The following INPP5A variants were observed in gnomAD, a reference collection of about 807,000 sequenced individuals.
INPP5A encodes the protein inositol polyphosphate-5-phosphatase A.
INPP5A carries 14 observed loss-of-function variants against 65.2 expected under a neutral mutation model. The ratio of observed to expected loss-of-function variants is 0.21; its 90% confidence interval spans 0.14 to 0.34. INPP5A has a LOEUF of 0.34. Among genes scored for constraint, INPP5A ranks in the 10% least tolerant of loss-of-function variants. INPP5A has a pLI of 1.00. For synonymous variants in INPP5A, 207 were observed against 208.3 expected, an observed-to-expected ratio of 0.99 and a Z score of 0.05; for missense variants, 431 against 545.6, an observed-to-expected ratio of 0.79 and a Z score of 2.09.
intron 1 of INPP5A, among the ~76,000 whole-genome samples, chr10:132,592,535 C>T (rs2071631552): frequency 6.6e-6 from 1 of 152,150 alleles, no homozygotes; most frequent in African/African-American, 2.4e-5. Flanking sequence ...CCTGCCTCAG[C>T]CTCCCAAGTA....
At chr10:132,668,368 G>A (rs952032706) in intron 4 of INPP5A, among the ~76,000 whole-genome samples, 9 of 152,178 alleles carry the variant, frequency 5.9e-5, no homozygotes, top group African/African-American at 1.7e-4. Context: ...TATTGATGCT[G>A]CCATGGAAAA....
chr10:132,652,836 G>A (rs1016964381), intron 4 of INPP5A, among the ~76,000 whole-genome samples: 4 of 152,214 alleles, frequency 2.6e-5, no homozygotes, highest in African/African-American at 9.6e-5. Flanking sequence ...GTCATTTCAC[G>A]ATGATAAGGG....
chr10:132,546,233 C>G lies in INPP5A; in HGVS notation c.75+8062C>G, dbSNP rs78839138. Among the ~76,000 whole-genome samples the G allele has an allele frequency of 6.6e-6, 1 of 152,208 alleles. No homozygotes were observed. The highest frequency in any genetic ancestry group is 1.5e-5 in the Non-Finnish European group (1 of 68,024). On this transcript the variant is annotated intron_variant, in intron 1 of 15. Coordinates refer to ENST00000368594, the MANE Select transcript of INPP5A (RefSeq NM_005539.5). The surrounding 1 kb of genome is among the most constrained non-coding windows in gnomAD (Gnocchi z 5.7). ...GTCTAGGGTGATGGCGCTCCCAGCC[C>G]GCGGGGGTCTTGGCGTTGGCGCAGA... is the stretch of plus-strand genomic sequence containing the variant.
Position 132,637,824 on chromosome 10 carries a change from G to A in INPP5A, c.118-8044G>A, listed in dbSNP as rs537689902. Among the ~76,000 whole-genome samples the A allele has an allele frequency of 5.3e-5, 8 of 152,234 alleles. No individual in the cohort carries two copies. Among genetic ancestry groups the A allele is most frequent in the Admixed American group, 4.6e-4 (7 of 15,298 alleles). ...GTAGATTTGATTTTATCTGCAATGTGGGCTCCCGTCCTGTTCTGCCTCACG... is the reference window on the plus strand; with the variant it reads ...GTAGATTTGATTTTATCTGCAATGTAGGCTCCCGTCCTGTTCTGCCTCACG... On this transcript the variant is annotated intron_variant, in intron 2 of 15. Coordinates refer to ENST00000368594, the MANE Select transcript of INPP5A (RefSeq NM_005539.5). This position sits in a 1 kb window ranked among gnomAD's most constrained non-coding sequence, Gnocchi z 4.1.
chr10:132,571,371 C>T (rs2071340225), intron 1 of INPP5A, among the ~76,000 whole-genome samples: 1 of 152,216 alleles, frequency 6.6e-6, no homozygotes, highest in Non-Finnish European at 1.5e-5. Context: ...CGGGCTCTGC[C>T]ACATGGGCCT....
chr10:132,647,058 T>TA (rs1177514746), intron 3 of INPP5A, among the ~76,000 whole-genome samples: 5 of 150,864 alleles, frequency 3.3e-5, no homozygotes, highest in African/African-American at 7.3e-5. Context: ...TTTCAGCTGC[T>TA]AAAAAAAACT....
chr10:132,778,302 ATTTTTTTT>A (rs57172206), intron 13 of INPP5A, among the ~76,000 whole-genome samples: 4 of 72,958 alleles, frequency 5.5e-5, no homozygotes, highest in African/African-American at 7.9e-5. Flanking sequence ...TTTAATAATA[ATTTTTTTT>A]TTTTTTTTTT....
intron 2 of INPP5A, among the ~76,000 whole-genome samples, chr10:132,635,476 A>G (rs1338302663): frequency 1.5e-5 from 2 of 129,986 alleles, no homozygotes; most frequent in East Asian, 2.3e-4. Flanking sequence ...GCTCACTGCA[A>G]ACTCCGCCTC....
intron 11 of INPP5A, among the ~76,000 whole-genome samples, chr10:132,764,816 G>C (rs1462611046): frequency 7.0e-6 from 1 of 143,864 alleles, no homozygotes; most frequent in African/African-American, 2.6e-5. Flanking sequence ...CTGCAGGGTT[G>C]AGAGGGTGTG....
intron 4 of INPP5A, among the ~76,000 whole-genome samples, chr10:132,669,749 G>A (rs945407708): frequency 5.3e-5 from 8 of 152,160 alleles, no homozygotes; most frequent in Non-Finnish European, 1.2e-4. Flanking sequence ...GCAGCTCCAA[G>A]TGAGATGTGG....
At chr10:132,781,382 C>T (rs1449453518) in intron 14 of INPP5A, among the ~76,000 whole-genome samples, 2 of 152,144 alleles carry the variant, frequency 1.3e-5, no homozygotes, top group South Asian at 2.1e-4. Flanking sequence ...AACTGCACCT[C>T]GAGAGTGTGC....
chr10:132,639,585 T>C (rs1195765473), intron 2 of INPP5A, among the ~76,000 whole-genome samples: 1 of 152,260 alleles, frequency 6.6e-6, no homozygotes, highest in Non-Finnish European at 1.5e-5. Context: ...TGTTATGCAC[T>C]CACTGAGGTT....
At chr10:132,752,539 AGG>A (rs1846509619) in intron 11 of INPP5A, among the ~76,000 whole-genome samples, 1 of 70,538 alleles carries the variant, frequency 1.4e-5, no homozygotes, top group East Asian at 4.4e-4. Flanking sequence ...TGTGGCGTGG[AGG>A]GGCGTGGCGA....
chr10:132,731,473 G>T (rs1846084865), intron 9 of INPP5A, among the ~76,000 whole-genome samples: 1 of 152,044 alleles, frequency 6.6e-6, no homozygotes, highest in African/African-American at 2.4e-5. Flanking sequence ...AGGCGGCCCT[G>T]GGAGTGACCG....
chr10:132,728,691 G>A lies in INPP5A; in HGVS notation c.732+1786G>A, dbSNP rs544027440. On this transcript the variant is annotated intron_variant, in intron 9 of 15. Coordinates refer to ENST00000368594, the MANE Select transcript of INPP5A (RefSeq NM_005539.5). ...CGAAAGACCAAAGCCGATCAATCCCGGGCGCCCAGCAATTGGGGAAAGGTC... is the reference window on the plus strand; with the variant it reads ...CGAAAGACCAAAGCCGATCAATCCCAGGCGCCCAGCAATTGGGGAAAGGTC... Among the ~76,000 whole-genome samples, 17 of 152,354 alleles carry A rather than the reference G, an allele frequency of 1.1e-4. No individual in the cohort carries two copies. The East Asian group carries it at 2.7e-3, about 24-fold the overall frequency.
In INPP5A at chr10:132,645,870, C is replaced by T. The variant is rs371120951; in HGVS notation, c.120C>T (p.Val40=). The change falls in exon 3 of 16, where the codon GTC becomes GTT. Residue 40 remains valine (V), a splice_region_variant and synonymous_variant. Coordinates refer to ENST00000368594, the MANE Select transcript of INPP5A (RefSeq NM_005539.5). ...ACAGTGTGCTTCTCTCCCTCCAGGT[C>T]GTGCACACACACAAGCCGCACTTCA... ...QKNWLREFYQ[V]VHTHKPHFMA... is the part of the protein sequence containing the mutation. 46 of 1,612,286 alleles carry T rather than the reference C, an allele frequency of 2.9e-5. No individual in the cohort carries two copies. The highest frequency in any genetic ancestry group is 2.1e-4 in the South Asian group (19 of 90,922).
At chr10:132,759,389 A>C (rs1004738662) in intron 11 of INPP5A, among the ~76,000 whole-genome samples, 2 of 152,182 alleles carry the variant, frequency 1.3e-5, no homozygotes, top group African/African-American at 4.8e-5. Flanking sequence ...AGCTGTGGCC[A>C]CACTCCGTGG....
At chr10:132,773,964 G>GT (rs1315303081) in intron 12 of INPP5A, among the ~76,000 whole-genome samples, 1 of 152,182 alleles carries the variant, frequency 6.6e-6, no homozygotes, top group African/African-American at 2.4e-5. Context: ...GTCTTACTAT[G>GT]TTGTCCAGGC....
chr10:132,699,780 C>T (rs963935817), intron 6 of INPP5A, among the ~76,000 whole-genome samples: 3 of 152,194 alleles, frequency 2.0e-5, no homozygotes, highest in African/African-American at 7.2e-5. Flanking sequence ...CTCAGCCCCG[C>T]CCCGAAGCAG....
Sources: gnomAD v4.1 joint callset for allele counts (sites outside exome capture counted in the v4.1 genomes callset) on GRCh38, gnomAD v4.1.1 for gene constraint, Gnocchi (gnomAD v3.1) non-coding constraint, MANE v1.5 for transcripts, NCBI Gene and HGNC (gene_info 2026-07-23, HGNC 2026-07-21) for gene names.